BTBD9: variants seen among roughly 807,000 people sequenced by gnomAD.
BTBD9 encodes BTB domain containing 9, also known as BTB/POZ domain-containing protein 9.
BTBD9 carries 49 observed loss-of-function variants against 64.3 expected under a neutral mutation model. The observed-to-expected ratio is 0.76, with a 90% confidence interval of 0.61 to 0.97. The LOEUF (loss-of-function observed/expected upper bound fraction) is 0.97. Ranked by LOEUF, BTBD9 falls within the 50% of genes least tolerant of loss-of-function variation. The pLI, the probability that BTBD9 is intolerant of heterozygous loss-of-function variation, is 0.00. For missense variants in BTBD9, 598 were observed against 762.1 expected (o/e 0.78, Z 2.53); for synonymous variants, 260 against 274.7 (o/e 0.95, Z 0.53).
intron 4 of BTBD9, chr6:38,587,655 G>A: frequency 4.9e-6 from 3 of 608,394 alleles, no homozygotes; most frequent in South Asian, 1.5e-5. Flanking sequence ...GTCGAGAACT[G>A]ACAGAACTTT....
At chr6:38,239,576 G>A (rs1322534890) in intron 9 of BTBD9, among the ~76,000 whole-genome samples, 1 of 152,042 alleles carries the variant, frequency 6.6e-6, no homozygotes, top group African/African-American at 2.4e-5. Flanking sequence ...GCACAGCCAG[G>A]AGACAGCTAA....
At chr6:38,265,039 A>C (rs77869057) in intron 8 of BTBD9, among the ~76,000 whole-genome samples, 446 of 152,226 alleles carry the variant, frequency 2.9e-3, no homozygotes, top group African/African-American at 0.01. Flanking sequence ...CATAATGTTT[A>C]ATCTCTCATA....
intron 6 of BTBD9, among the ~76,000 whole-genome samples, chr6:38,552,495 A>G (rs1326137476): frequency 6.6e-6 from 1 of 152,142 alleles, no homozygotes; most frequent in Non-Finnish European, 1.5e-5. Context: ...AAAAATAAAA[A>G]TGGGCCGGGC....
intron 6 of BTBD9, among the ~76,000 whole-genome samples, chr6:38,496,841 T>C (rs1286992075): frequency 6.6e-6 from 1 of 152,190 alleles, no homozygotes; most frequent in Admixed American, 6.5e-5. Flanking sequence ...TATGACTTAC[T>C]AGTGGCAACA....
At position 38,594,124 on chromosome 6, in the gene BTBD9, G is replaced by C; in HGVS notation, c.389C>G (p.Ser130Cys). The C allele has an allele frequency of 1.2e-6, 2 of 1,614,218 alleles. No homozygotes were observed. Among genetic ancestry groups the C allele is most frequent in the South Asian group, 1.1e-5 (1 of 91,084 alleles). ...GTTAAGTATGGTGCAGAGATACTCA[G>C]AGGTAGAATCCTCTAGCTCTGGAAA... is the stretch of plus-strand genomic sequence containing the variant. ...YGFPELEDST[S>C]EYLCTILNIQ... is the part of the protein sequence containing the mutation. The change falls in exon 3 of 11, where the codon TCT becomes TGT. Residue 130 changes from serine to cysteine, a missense_variant. By Grantham distance (112) the Ser-to-Cys change is moderately radical (BLOSUM62 -1). Coordinates refer to ENST00000481247, the MANE Select transcript of BTBD9 (RefSeq NM_001099272.2).
intron 6 of BTBD9, among the ~76,000 whole-genome samples, chr6:38,552,763 A>G (rs1562330832): frequency 6.6e-6 from 1 of 152,034 alleles, no homozygotes; most frequent in Non-Finnish European, 1.5e-5. Context: ...AGAAAAAAAA[A>G]AAAAAGAAAG....
chr6:38,434,391 G>C (rs1353964722), intron 6 of BTBD9, among the ~76,000 whole-genome samples: 1 of 151,828 alleles, frequency 6.6e-6, no homozygotes, highest in African/African-American at 2.4e-5. Context: ...ATTGATCCCA[G>C]GTCTTTAGAC....
At chr6:38,179,608 T>C (rs1039574410) in intron 10 of BTBD9, 5 of 456,606 alleles carry the variant, frequency 1.1e-5, no homozygotes, top group Admixed American at 4.7e-5. Context: ...TCTCAGGCAG[T>C]TGGGGGCAGA....
intron 9 of BTBD9, among the ~76,000 whole-genome samples, chr6:38,198,181 G>A (rs1561861461): frequency 6.6e-6 from 1 of 152,070 alleles, no homozygotes; most frequent in Admixed American, 6.5e-5. Flanking sequence ...AGGAGAAAGG[G>A]ATTAAAACAA....
intron 6 of BTBD9, among the ~76,000 whole-genome samples, chr6:38,530,470 A>C (rs1183100008): frequency 6.6e-6 from 1 of 152,156 alleles, no homozygotes; most frequent in Admixed American, 6.5e-5. Context: ...GGTGGGCATC[A>C]CGGTCCTACT....
intron 9 of BTBD9, among the ~76,000 whole-genome samples, chr6:38,220,019 G>A (rs1763146547): frequency 6.6e-6 from 1 of 152,202 alleles, no homozygotes; most frequent in African/African-American, 2.4e-5. Context: ...ACCAACCACG[G>A]AAGTAAATTT....
intron 6 of BTBD9, among the ~76,000 whole-genome samples, chr6:38,425,674 G>A (rs1186195328): frequency 6.6e-6 from 1 of 151,454 alleles, no homozygotes; most frequent in Non-Finnish European, 1.5e-5. Flanking sequence ...GGGAGGCTGA[G>A]GTGGGTCCTC....
intron 9 of BTBD9, among the ~76,000 whole-genome samples, chr6:38,226,375 A>G (rs903185196): frequency 2.6e-5 from 4 of 152,200 alleles, no homozygotes; most frequent in Non-Finnish European, 5.9e-5. Context: ...AACTGAACAG[A>G]GCACTACAGT....
intron 6 of BTBD9, among the ~76,000 whole-genome samples, chr6:38,574,437 A>G (rs575468569): frequency 6.6e-6 from 1 of 152,324 alleles, no homozygotes; most frequent in South Asian, 2.1e-4. Context: ...GGCGATACAA[A>G]AAAGTACCAA....
chr6:38,577,173 A>C (rs867802534), intron 6 of BTBD9, among the ~76,000 whole-genome samples: 1 of 152,172 alleles, frequency 6.6e-6, no homozygotes, highest in Admixed American at 6.5e-5. Context: ...GCATTCAAAG[A>C]TGTCCTCTGG....
intron 1 of BTBD9, among the ~76,000 whole-genome samples, chr6:38,623,272 G>A (rs970913516): frequency 6.6e-6 from 1 of 152,096 alleles, no homozygotes; most frequent in East Asian, 1.9e-4. Context: ...CAGGAAATTA[G>A]ACTCTATCAG....
chr6:38,341,959 T>A (rs553685919), intron 7 of BTBD9, among the ~76,000 whole-genome samples: 27 of 152,258 alleles, frequency 1.8e-4, no homozygotes, highest in African/African-American at 6.0e-4. Context: ...TCTGTGCAAG[T>A]GAAGCTGCAT....
At chr6:38,314,207 T>C (rs1370649213) in intron 7 of BTBD9, among the ~76,000 whole-genome samples, 1 of 152,048 alleles carries the variant, frequency 6.6e-6, no homozygotes, top group Non-Finnish European at 1.5e-5. Context: ...TTTATTTATT[T>C]ATTTTTGAGC....
chr6:38,308,159 G>T (rs926234767), intron 7 of BTBD9, among the ~76,000 whole-genome samples: 1 of 152,194 alleles, frequency 6.6e-6, no homozygotes, highest in Admixed American at 6.5e-5. Flanking sequence ...TCAAGCATCA[G>T]ATGTTAGCAG....
Sources: gnomAD v4.1 joint callset for allele counts (sites outside exome capture counted in the v4.1 genomes callset) on GRCh38, gnomAD v4.1.1 for gene constraint, MANE v1.5 for transcripts, NCBI Gene and HGNC (gene_info 2026-07-23, HGNC 2026-07-21) for gene names.